Variants in GNAZ observed in about 807,000 individuals in gnomAD.
GNAZ encodes G protein subunit alpha z, also known as guanine nucleotide-binding protein G(z) subunit alpha.
GNAZ carries 3 observed loss-of-function variants against 25.4 expected under a neutral mutation model. That is an observed-to-expected ratio of 0.12 (90% confidence interval 0.05 to 0.30). The LOEUF is 0.30. Among genes scored for constraint, GNAZ ranks in the 10% least tolerant of loss-of-function variants. The pLI is 1.00. For missense variants in GNAZ, 241 were observed against 501.8 expected (o/e 0.48, Z 4.97); for synonymous variants, 211 against 205.7 (o/e 1.03, Z -0.22).
intron 2 of GNAZ, among the ~76,000 whole-genome samples, chr22:23,116,085 C>A (rs2069826156): frequency 6.6e-6 from 1 of 152,288 alleles, no homozygotes; most frequent in Non-Finnish European, 1.5e-5. Context: ...CTGTCATGTG[C>A]TCACCACGTG....
rs2068901752 is a variant in GNAZ at position 23,089,411 on chromosome 22, A to G, written c.-449-5836A>G. On this transcript the variant is annotated intron_variant, in intron 1 of 2. Transcript: ENST00000615612. Reference sequence around the variant, plus strand: ...GGTGTGGTCCTGGCGAGCTCAGGCTATGGTGGGTGTGACCATGGGTATTAT... The same window carrying G: ...GGTGTGGTCCTGGCGAGCTCAGGCTGTGGTGGGTGTGACCATGGGTATTAT... Among the ~76,000 whole-genome samples the G allele has an allele frequency of 2.0e-5, 3 of 152,104 alleles. No homozygotes were observed. The South Asian group carries it at 6.2e-4, about 31-fold the overall frequency.
chr22:23,084,080 A>G (rs1051526402), intron 1 of GNAZ, among the ~76,000 whole-genome samples: 1 of 152,154 alleles, frequency 6.6e-6, no homozygotes, highest in African/African-American at 2.4e-5. Flanking sequence ...CCCAGAGGGC[A>G]GTTCCTGGGA....
At chr22:23,082,690 C>T (rs1361101783) in intron 1 of GNAZ, among the ~76,000 whole-genome samples, 1 of 152,038 alleles carries the variant, frequency 6.6e-6, no homozygotes, top group Non-Finnish European at 1.5e-5. Flanking sequence ...GCCTGGAAGC[C>T]CCTCTTTCCC....
At chr22:23,094,153 G>A (rs1315621757) in intron 1 of GNAZ, among the ~76,000 whole-genome samples, 2 of 152,158 alleles carry the variant, frequency 1.3e-5, no homozygotes, top group African/African-American at 2.4e-5. Context: ...TTAAAGGGGC[G>A]AATGCTGCCT....
At chr22:23,090,207 C>T (rs1175276215) in intron 1 of GNAZ, among the ~76,000 whole-genome samples, 1 of 152,108 alleles carries the variant, frequency 6.6e-6, no homozygotes, top group African/African-American at 2.4e-5. Flanking sequence ...CCAGTACCTG[C>T]CACTTTCTCC....
intron 2 of GNAZ, among the ~76,000 whole-genome samples, chr22:23,106,656 G>A (rs1015864106): frequency 6.6e-6 from 1 of 152,234 alleles, no homozygotes; most frequent in Non-Finnish European, 1.5e-5. Context: ...TGTGCTGGCT[G>A]ACAACAGAAT....
chr22:23,109,778 C>T (rs977305809), intron 2 of GNAZ, among the ~76,000 whole-genome samples: 2 of 152,210 alleles, frequency 1.3e-5, no homozygotes, highest in Non-Finnish European at 2.9e-5. Flanking sequence ...GCCCTGGAAG[C>T]TGTGGGAGTG....
intron 2 of GNAZ, among the ~76,000 whole-genome samples, chr22:23,111,898 A>G (rs1433966862): frequency 6.6e-6 from 1 of 152,110 alleles, no homozygotes; most frequent in Non-Finnish European, 1.5e-5. Context: ...TTATTTCCAA[A>G]CCAGAGGTGT....
chr22:23,097,596 GCGGCTGCGTCCA>G (rs982366099), intron 2 of GNAZ, among the ~76,000 whole-genome samples: 1 of 152,240 alleles, frequency 6.6e-6, no homozygotes, highest in East Asian at 1.9e-4. Context: ...GTGTACGCAG[GCGGCTGCGTCCA>G]CCCTGTTCCC....
chr22:23,104,863 T>C (rs2069414610), intron 2 of GNAZ, among the ~76,000 whole-genome samples: 1 of 152,206 alleles, frequency 6.6e-6, no homozygotes. Flanking sequence ...CTGGAGGGAT[T>C]GGAATGACAG....
At chr22:23,119,462 C>T (rs2069946295) in intron 2 of GNAZ, among the ~76,000 whole-genome samples, 1 of 152,244 alleles carries the variant, frequency 6.6e-6, no homozygotes, top group Non-Finnish European at 1.5e-5. Context: ...CTGAGAGCTG[C>T]AGGCCTCTGG....
chr22:23,076,267 G>T (rs75327175), intron 1 of GNAZ, among the ~76,000 whole-genome samples: 1 of 152,280 alleles, frequency 6.6e-6, no homozygotes, highest in Non-Finnish European at 1.5e-5. Context: ...TTCATTCATC[G>T]TATGTGTTTG....
rs147674234 is a variant in GNAZ, at chr22:23,084,298, C to G, written c.-449-10949C>G. Among the ~76,000 whole-genome samples the G allele has an allele frequency of 1.1e-4, 16 of 152,312 alleles. No homozygotes were observed. The East Asian group carries it at 2.7e-3, about 26-fold the overall frequency. Reference sequence around the variant, plus strand: ...TTGAGTACTCATACAACCATTCATTCTGATTCTCCCTGTCAGTACGGTATT... The same window carrying G: ...TTGAGTACTCATACAACCATTCATTGTGATTCTCCCTGTCAGTACGGTATT... On this transcript the variant is annotated intron_variant, in intron 1 of 2. Coordinates refer to ENST00000615612, the MANE Select transcript of GNAZ (RefSeq NM_002073.4).
At chr22:23,118,165 T>C (rs1229247270) in intron 2 of GNAZ, among the ~76,000 whole-genome samples, 1 of 152,154 alleles carries the variant, frequency 6.6e-6, no homozygotes, top group Non-Finnish European at 1.5e-5. Context: ...TTCTCACAAA[T>C]GGCCAGGAAA....
intron 1 of GNAZ, among the ~76,000 whole-genome samples, chr22:23,091,617 T>C (rs1858746): frequency 0.37 from 52,565 of 142,558 alleles, 9,900 homozygotes; most frequent in African/African-American, 0.54. Flanking sequence ...TACACGCATA[T>C]GCACCGCAAT....
intron 2 of GNAZ, among the ~76,000 whole-genome samples, chr22:23,099,242 G>C (rs1039542346): frequency 6.6e-6 from 1 of 152,272 alleles, no homozygotes; most frequent in Non-Finnish European, 1.5e-5. Flanking sequence ...GTGAGTGCAG[G>C]GCAGCACCTC....
chr22:23,096,031 C>T lies in GNAZ; in HGVS notation c.336C>T (p.Gly112=), dbSNP rs1244092911. ...CTGTGCAGCTCTTTGCGCTGACGGG[C>T]CCCGCTGAGAGCAAGGGCGAGATCA... is the stretch of plus-strand genomic sequence containing the variant. ...YDAVQLFALT[G]PAESKGEITP... The change falls in exon 2 of 3, where the codon GGC becomes GGT. Residue 112 remains glycine (G), a synonymous_variant. Coordinates refer to ENST00000615612, the MANE Select transcript of GNAZ (RefSeq NM_002073.4). 1.2e-6 allele frequency: 2 copies of T among 1,606,752 alleles called. No homozygotes were observed. Among genetic ancestry groups the T allele is most frequent in the Non-Finnish European group, 1.7e-6 (2 of 1,179,926 alleles).
At chr22:23,084,255 T>C (rs1466586265) in intron 1 of GNAZ, among the ~76,000 whole-genome samples, 7 of 152,180 alleles carry the variant, frequency 4.6e-5, no homozygotes, top group African/African-American at 9.7e-5. Flanking sequence ...GCAATAAACA[T>C]TGAGTAGAAG....
At chr22:23,082,357 G>A (rs929643170) in intron 1 of GNAZ, among the ~76,000 whole-genome samples, 19 of 148,820 alleles carry the variant, frequency 1.3e-4, no homozygotes, top group Admixed American at 1.2e-3. Context: ...GATTACAGGC[G>A]CACACCACCA....
Sources: gnomAD v4.1 joint callset for allele counts (sites outside exome capture counted in the v4.1 genomes callset) on GRCh38, gnomAD v4.1.1 for gene constraint, MANE v1.5 for transcripts, NCBI Gene and HGNC (gene_info 2026-07-23, HGNC 2026-07-21) for gene names.